KPNA6: variants seen among roughly 807,000 people sequenced by gnomAD.
KPNA6 encodes karyopherin subunit alpha 6.
In KPNA6, 9 loss-of-function variants were observed where a neutral mutation model predicts 72.0. The observed-to-expected ratio is 0.13, with a 90% CI of 0.08 to 0.22. KPNA6 has a LOEUF of 0.22. KPNA6 is among the 10% of genes least tolerant of loss of function. KPNA6 has a pLI of 1.00. For missense variants in KPNA6, 374 were observed against 655.7 expected (o/e 0.57, Z 4.69); for synonymous variants, 219 against 242.1 (o/e 0.90, Z 0.89).
chr1:32,162,327 C>T (rs768719617), intron 8 of KPNA6, 34 bp from the exon 9 acceptor site: 19 of 1,545,652 alleles, frequency 1.2e-5, no homozygotes, highest in Non-Finnish European at 1.5e-5. Context: ...TAGTCTTGTT[C>T]CCCTGTGAGT....
At position 32,160,797 on chromosome 1, in the gene KPNA6, G is replaced by A. The variant is rs1029834532; in HGVS notation, c.647+94G>A. The A allele has an allele frequency of 2.3e-5, 19 of 840,022 alleles. No individual in the cohort carries two copies. The African/African-American group carries it at 2.5e-4, about 11-fold the overall frequency. The allele number at this position is 840,022 out of a possible 1,614,324, so 52.0% of individuals were successfully genotyped here. ...GCATACTTGATTCCTTAAGATGATA[G>A]GTAAGTGCAAAAACTATAAAAATGC... On this transcript the variant is annotated intron_variant, in intron 7 of 13. Transcript: ENST00000373625.
At chr1:32,151,415 G>C (rs1449410154) in intron 1 of KPNA6, among the ~76,000 whole-genome samples, 2 of 152,186 alleles carry the variant, frequency 1.3e-5, no homozygotes, top group Non-Finnish European at 2.9e-5. Flanking sequence ...TGCCCTTTGT[G>C]TGACTCATGG....
intron 1 of KPNA6, among the ~76,000 whole-genome samples, chr1:32,115,324 G>C (rs1022788647): frequency 2.0e-5 from 3 of 151,918 alleles, no homozygotes; most frequent in Non-Finnish European, 4.4e-5. Flanking sequence ...ATTTTTAGTA[G>C]AGATGGGATT....
At chr1:32,124,524 T>C (rs1276421665) in intron 1 of KPNA6, among the ~76,000 whole-genome samples, 33 of 146,600 alleles carry the variant, frequency 2.3e-4, no homozygotes, top group South Asian at 4.6e-4. Flanking sequence ...TTTTTTTTTT[T>C]CCAACAGTCT....
chr1:32,174,743 A>G lies in KPNA6; in HGVS notation c.*3849A>G, dbSNP rs889910955. On this transcript the variant is annotated 3_prime_UTR_variant, in exon 14 of 14. Transcript: ENST00000373625. ...ATAGGGAGAACAGGCTGACTGGGGC[A>G]TTAGGAATGTTTGTACCTCTCTGCT... 4 of 152,214 alleles carry G rather than the reference A, an allele frequency of 2.6e-5. No individual in the cohort carries two copies. The highest frequency in any genetic ancestry group is 1.3e-4 in the Admixed American group (2 of 15,280). 9.4% of individuals were successfully genotyped at this position (152,214 alleles called of 1,614,324 possible).
rs1479619779 is a variant in KPNA6 at position 32,162,063 on chromosome 1, C to T, written c.747+17C>T. On this transcript the variant is annotated intron_variant, in intron 8 of 13. Coordinates refer to ENST00000373625, the MANE Select transcript of KPNA6 (RefSeq NM_012316.5). ...TTTGCAAAGGTGAGAGAGCTACTTA[C>T]TAGACCCTGAGTGACATCAGGTTCC... 2 of 1,592,234 alleles carry T rather than the reference C, an allele frequency of 1.3e-6. No individual in the cohort carries two copies. The highest frequency in any genetic ancestry group is 2.2e-5 in the East Asian group (1 of 44,750).
Position 32,128,150 on chromosome 1 carries a change from A to T in KPNA6, c.4+20016A>T, listed in dbSNP as rs1641566373. ...AGAAAGGTAAGAGCCACCTGATTCT[A>T]TTTCAAATGAGATCGCTGGAAAATT... On this transcript the variant is annotated intron_variant, in intron 1 of 13. Coordinates refer to ENST00000373625, the MANE Select transcript of KPNA6 (RefSeq NM_012316.5). Among the ~76,000 whole-genome samples the T allele has an allele frequency of 2.6e-5, 4 of 151,846 alleles. No homozygotes were observed. The South Asian group carries it at 8.3e-4, about 32-fold the overall frequency.
intron 1 of KPNA6, among the ~76,000 whole-genome samples, chr1:32,127,453 T>G (rs796223060): frequency 6.6e-6 from 1 of 152,316 alleles, no homozygotes; most frequent in African/African-American, 2.4e-5. Flanking sequence ...TTTTGATGAA[T>G]TACATACAGG....
chr1:32,153,413 A>G (rs1217772736), intron 1 of KPNA6, among the ~76,000 whole-genome samples: 1 of 151,760 alleles, frequency 6.6e-6, no homozygotes, highest in African/African-American at 2.4e-5. Flanking sequence ...TAAAAATACA[A>G]AAATTAGCCG....
At chr1:32,154,521 A>G in intron 1 of KPNA6, 67 bp from the exon 2 acceptor site, 1 of 1,556,716 alleles carries the variant, frequency 6.4e-7, no homozygotes, top group Non-Finnish European at 8.8e-7. Flanking sequence ...GGGTAGGGAT[A>G]GAAGTCTAGT....
chr1:32,145,328 C>CT (rs930080417), intron 1 of KPNA6, among the ~76,000 whole-genome samples: 1,391 of 139,038 alleles, frequency 0.01, 44 homozygotes, highest in Admixed American at 0.069. Flanking sequence ...ATTTGTATTT[C>CT]TTTTTTTTTT....
chr1:32,133,412 G>T (rs1307272720), intron 1 of KPNA6, among the ~76,000 whole-genome samples: 1 of 150,260 alleles, frequency 6.7e-6, no homozygotes, highest in African/African-American at 2.5e-5. Context: ...CAGGTGCAGT[G>T]GTTCATACCT....
chr1:32,119,032 A>ATATATTTTT (rs1167325052), intron 1 of KPNA6, among the ~76,000 whole-genome samples: 5 of 40,274 alleles, frequency 1.2e-4, no homozygotes, highest in African/African-American at 2.0e-4. Context: ...ATATATATAT[A>ATATATTTTT]TTTTTTTTTT....
At chr1:32,144,937 C>T (rs965526310) in intron 1 of KPNA6, among the ~76,000 whole-genome samples, 55 of 151,386 alleles carry the variant, frequency 3.6e-4, no homozygotes, top group Admixed American at 2.0e-3. Flanking sequence ...TAAGCCACCG[C>T]GCCTGGCCTA....
chr1:32,112,785 A>G (rs1483646346), intron 1 of KPNA6, among the ~76,000 whole-genome samples: 2 of 152,112 alleles, frequency 1.3e-5, no homozygotes, highest in Non-Finnish European at 2.9e-5. Context: ...ATGAGCCACC[A>G]TGCCCAGCCA....
In KPNA6 at chr1:32,173,389, GGAAAA is replaced by G. The variant is rs1642472813; in HGVS notation, c.*2496_*2500del. ...TTCAGCTCCGGGTCCTGTACCAGATGGAAAATGTTTTTGGTGATCTGGCTGCTGCT... is the reference window on the plus strand; with the variant it reads ...TTCAGCTCCGGGTCCTGTACCAGATGTGTTTTTGGTGATCTGGCTGCTGCT... On this transcript the variant is annotated 3_prime_UTR_variant, in exon 14 of 14. Coordinates refer to ENST00000373625, the MANE Select transcript of KPNA6 (RefSeq NM_012316.5). 1 of 323,044 alleles carries G rather than the reference GGAAAA, an allele frequency of 3.1e-6. No homozygotes were observed. Among genetic ancestry groups the G allele is most frequent in the Non-Finnish European group, 5.6e-6 (1 of 179,398 alleles). 20.0% of individuals were successfully genotyped at this position (323,044 alleles called of 1,614,324 possible).
intron 6 of KPNA6, 38 bp from the exon 7 acceptor site, chr1:32,160,577 A>G (rs1366546153): frequency 6.5e-7 from 1 of 1,548,992 alleles, no homozygotes; most frequent in African/African-American, 1.4e-5. Context: ...CAGGAGTACC[A>G]AGCTTTGTGG....
intron 6 of KPNA6, 123 bp downstream of exon 6, chr1:32,159,654 GT>G: frequency 9.3e-7 from 1 of 1,080,530 alleles, no homozygotes; most frequent in Non-Finnish European, 1.3e-6. Flanking sequence ...TGATAGGGGT[GT>G]CAAGTACAGA....
At chr1:32,126,716 A>G (rs1433012399) in intron 1 of KPNA6, among the ~76,000 whole-genome samples, 1 of 152,160 alleles carries the variant, frequency 6.6e-6, no homozygotes, top group East Asian at 1.9e-4. Context: ...CCAAGAGGCT[A>G]TAATTTTCTA....
Sources: allele counts gnomAD v4.1 joint callset (sites outside exome capture counted in the v4.1 genomes callset), GRCh38; gene constraint gnomAD v4.1.1; transcripts MANE v1.5; gene names NCBI Gene and HGNC (gene_info 2026-07-23, HGNC 2026-07-21).